TRIM2: variants seen among roughly 807,000 people sequenced by gnomAD.
TRIM2 encodes tripartite motif-containing protein 2.
Under a neutral mutation model 75.2 loss-of-function variants are expected in TRIM2, and 20 were observed. The ratio of observed to expected loss-of-function variants is 0.27; its 90% CI spans 0.19 to 0.39. TRIM2 has a LOEUF of 0.39. Ranked by LOEUF, TRIM2 falls within the 10% of genes least tolerant of loss-of-function variation. The pLI is 1.00. For synonymous variants in TRIM2, 373 were observed against 388.3 expected, an observed-to-expected ratio of 0.96 and a Z score of 0.46; for missense variants, 660 against 990.8, an observed-to-expected ratio of 0.67 and a Z score of 4.48.
chr4:153,271,951 G>A (rs1272137466), intron 2 of TRIM2, among the ~76,000 whole-genome samples: 1 of 152,074 alleles, frequency 6.6e-6, no homozygotes, highest in Non-Finnish European at 1.5e-5. Flanking sequence ...ACTCTGACAG[G>A]TGAGAAGCAA....
intron 1 of TRIM2, among the ~76,000 whole-genome samples, chr4:153,236,658 TTTTTCTTTTCTTTTC>T (rs142215104): frequency 6.7e-6 from 1 of 149,508 alleles, no homozygotes; most frequent in African/African-American, 2.5e-5. Context: ...GGATTGTGTC[TTTTTCTTTTCTTTTC>T]TTTTCTTTTC....
At chr4:153,238,349 A>G (rs2149829295) in intron 1 of TRIM2, among the ~76,000 whole-genome samples, 1 of 150,034 alleles carries the variant, frequency 6.7e-6, no homozygotes, top group East Asian at 1.9e-4. Flanking sequence ...ACATTTCACA[A>G]TTTGTACCCA....
At chr4:153,286,949 T>C (rs1760771523) in intron 3 of TRIM2, among the ~76,000 whole-genome samples, 1 of 152,128 alleles carries the variant, frequency 6.6e-6, no homozygotes, top group Admixed American at 6.6e-5. Context: ...TTTTTTTCAT[T>C]CTTTCACTTT....
intron 1 of TRIM2, among the ~76,000 whole-genome samples, chr4:153,181,233 T>C (rs146491605): frequency 1.3e-3 from 196 of 152,126 alleles, no homozygotes; most frequent in African/African-American, 4.5e-3. Flanking sequence ...GCTCCATGAC[T>C]TGTCCAGGTC....
Position 153,308,064 on chromosome 4 carries a change from C to G in TRIM2, c.1511-7421C>G, listed in dbSNP as rs1480471313. ...CTCCAACATGTCATAAGGACTGTAG[C>G]TCTTGTACCTATCAAATACTTTCTG... is the stretch of plus-strand genomic sequence containing the variant. On this transcript the variant is annotated intron_variant, in intron 6 of 11. Transcript: ENST00000338700. 11 of 796,866 alleles carry G rather than the reference C, an allele frequency of 1.4e-5. No individual in the cohort carries two copies. In the African/African-American group the frequency reaches 1.5e-4, roughly 11 times the overall value. 49.4% of individuals were successfully genotyped at this position (796,866 alleles called of 1,614,324 possible).
At chr4:153,243,544 A>T (rs1238353006) in intron 1 of TRIM2, among the ~76,000 whole-genome samples, 2 of 152,160 alleles carry the variant, frequency 1.3e-5, no homozygotes, top group Non-Finnish European at 2.9e-5. Flanking sequence ...TTTCTTCAGC[A>T]GATAGTAGTT....
intron 1 of TRIM2, among the ~76,000 whole-genome samples, chr4:153,231,558 A>C (rs1253667889): frequency 2.0e-5 from 3 of 152,132 alleles, no homozygotes; most frequent in African/African-American, 7.2e-5. Flanking sequence ...GAGCAGGTCT[A>C]GGCAAGGAAG....
At chr4:153,310,033 G>T (rs1365042553) in intron 6 of TRIM2, 4 of 152,170 alleles carry the variant, frequency 2.6e-5, no homozygotes, top group African/African-American at 9.7e-5. Flanking sequence ...TCCTGGAGGG[G>T]TAGGTGGAAG....
rs546752000 is a variant in TRIM2 at position 153,183,286 on chromosome 4, T to C, written c.-49+30016T>C. ...TGTACCTGCTTTGATGATTTGACAG[T>C]TGCATTATTTCACATTCCCCATGAT... is the stretch of plus-strand genomic sequence containing the variant. On this transcript the variant is annotated intron_variant, in intron 1 of 11. Coordinates refer to the TRIM2 transcript ENST00000437508. 2.0e-5 allele frequency among the ~76,000 whole-genome samples: 3 copies of C among 152,336 alleles called. No homozygotes were observed. In the East Asian group the frequency reaches 5.8e-4, roughly 29 times the overall value.
intron 11 of TRIM2, among the ~76,000 whole-genome samples, chr4:153,333,046 T>C (rs186876107): frequency 6.6e-6 from 1 of 152,334 alleles, no homozygotes; most frequent in African/African-American, 2.4e-5. Flanking sequence ...TTATTTGTAA[T>C]AGCCCAAAAC....
intron 1 of TRIM2, among the ~76,000 whole-genome samples, chr4:153,244,144 G>GTTCTTCTTCTTCTTCTTCTTCTTC (rs766874717): frequency 7.7e-6 from 1 of 130,092 alleles, no homozygotes; most frequent in Non-Finnish European, 1.6e-5. Context: ...TCTTCTTCTT[G>GTTCTTCTTCTTCTTCTTCTTCTTC]TTCTTCTTGT....
chr4:153,335,281 G>T lies in TRIM2; in HGVS notation c.*315G>T. On this transcript the variant is annotated 3_prime_UTR_variant, in exon 12 of 12. Coordinates refer to ENST00000338700, the MANE Select transcript of TRIM2 (RefSeq NM_015271.5). ...AATCAAACAGACACTTAAAAAACTA[G>T]CATATGTAAAGGTATTCGTTAATCC... The T allele has an allele frequency of 9.6e-7, 1 of 1,040,346 alleles. No individual in the cohort carries two copies. The highest frequency in any genetic ancestry group is 1.2e-6 in the Non-Finnish European group (1 of 866,120). The allele number at this position is 1,040,346 out of a possible 1,614,324, so 64.4% of individuals were successfully genotyped here.
chr4:153,331,215 C>T (rs1309001566), intron 11 of TRIM2, among the ~76,000 whole-genome samples: 1 of 152,074 alleles, frequency 6.6e-6, no homozygotes, highest in East Asian at 1.9e-4. Flanking sequence ...CTCAGCCACT[C>T]AGGAGGCTGA....
chr4:153,158,447 C>T (rs1182789685), intron 1 of TRIM2, among the ~76,000 whole-genome samples: 2 of 152,018 alleles, frequency 1.3e-5, no homozygotes, highest in Non-Finnish European at 1.5e-5. Flanking sequence ...AAATTCTCCT[C>T]CTAAGGTATA....
At chr4:153,255,541 A>T (rs549265944) in intron 1 of TRIM2, among the ~76,000 whole-genome samples, 1 of 152,302 alleles carries the variant, frequency 6.6e-6, no homozygotes, top group Non-Finnish European at 1.5e-5. Context: ...GGCCTGTCTT[A>T]GGCTTGTAAA....
chr4:153,235,959 C>A (rs1340523423), intron 1 of TRIM2, among the ~76,000 whole-genome samples: 1 of 152,080 alleles, frequency 6.6e-6, no homozygotes, highest in Non-Finnish European at 1.5e-5. Flanking sequence ...CCTGAGGGCT[C>A]CATGTGACAT....
Position 153,234,980 on chromosome 4 carries a change from C to G in TRIM2, c.30+30420C>G, listed in dbSNP as rs76124819. 7.1e-3 allele frequency among the ~76,000 whole-genome samples: 1,080 copies of G among 152,296 alleles called. 14 individuals are homozygous for G. The highest frequency in any genetic ancestry group is 0.025 in the African/African-American group (1,056 of 41,542). On this transcript the variant is annotated intron_variant, in intron 1 of 11. Coordinates refer to ENST00000338700, the MANE Select transcript of TRIM2 (RefSeq NM_015271.5). Reference sequence around the variant, plus strand: ...GAGCACACAGACCCCTCTGCTGCCCCCAGCTGTGTACTTCATATGTGGTGC... The same window carrying G: ...GAGCACACAGACCCCTCTGCTGCCCGCAGCTGTGTACTTCATATGTGGTGC...
At position 153,336,133 on chromosome 4, in the gene TRIM2, T is replaced by TAC. The variant is rs369342093; in HGVS notation, c.*1177_*1178dup. The TAC allele has an allele frequency of 1.1e-3, 1,013 of 964,286 alleles. 5 individuals carry two copies. The East Asian group carries it at 0.021, about 20-fold the overall frequency. The allele number at this position is 964,286 out of a possible 1,614,324, so 59.7% of individuals were successfully genotyped here. A position where few individuals can be genotyped will look rare whatever the true frequency, so the allele number is the denominator to read the frequency against. ...AGAATGTATTATATATATATATATA[T>TAC]ACACACACACATATATATAGCTGAA... On this transcript the variant is annotated 3_prime_UTR_variant, in exon 12 of 12. Coordinates refer to ENST00000338700, the MANE Select transcript of TRIM2 (RefSeq NM_015271.5).
chr4:153,270,974 C>G (rs115380951), intron 2 of TRIM2, among the ~76,000 whole-genome samples: 1,897 of 152,190 alleles, frequency 0.012, 25 homozygotes, highest in African/African-American at 0.044. Context: ...CAGACACATA[C>G]TAATGTCACA....
Sources: allele counts gnomAD v4.1 joint callset (sites outside exome capture counted in the v4.1 genomes callset), GRCh38; gene constraint gnomAD v4.1.1; transcripts MANE v1.5; gene names NCBI Gene and HGNC (gene_info 2026-07-23, HGNC 2026-07-21).